The following MROH1 variants were observed in gnomAD, a reference collection of about 807,000 sequenced individuals.
The protein encoded by MROH1 is maestro heat like repeat family member 1, also known as maestro heat-like repeat-containing protein family member 1.
Under a neutral mutation model 116.5 loss-of-function variants are expected in MROH1, and 117 were observed. The observed-to-expected ratio is 1.00, with a 90% CI of 0.86 to 1.17. The LOEUF is 1.17. Ranked by LOEUF, MROH1 falls within the 50% of genes most tolerant of loss-of-function variation. The pLI is 0.00. For synonymous variants in MROH1, 921 were observed against 583.9 expected (o/e 1.58, Z -8.32); for missense variants, 1,873 against 1,338.5 (o/e 1.40, Z -6.23).
intron 29 of MROH1, among the ~76,000 whole-genome samples, chr8:144,246,492 T>C (rs1841947877): frequency 6.6e-6 from 1 of 152,192 alleles, no homozygotes; most frequent in Non-Finnish European, 1.5e-5. Flanking sequence ...CCTCATACTT[T>C]CATGGCCTGT....
intron 14 of MROH1, among the ~76,000 whole-genome samples, chr8:144,226,849 G>A (rs1249925167): frequency 1.3e-5 from 2 of 151,982 alleles, no homozygotes; most frequent in Non-Finnish European, 2.9e-5. Flanking sequence ...GTTTTTCCCT[G>A]TAAATTTTAG....
chr8:144,235,382 C>T (rs1438720845), intron 14 of MROH1, among the ~76,000 whole-genome samples: 6 of 152,126 alleles, frequency 3.9e-5, no homozygotes, highest in African/African-American at 7.2e-5. Context: ...CCAGCTAGAA[C>T]GTCCAATACT....
intron 10 of MROH1, among the ~76,000 whole-genome samples, chr8:144,195,370 T>A (rs1395674597): frequency 6.7e-6 from 1 of 148,232 alleles, no homozygotes; most frequent in African/African-American, 2.5e-5. Context: ...GGCATGATAG[T>A]GGGTGCCTGT....
At chr8:144,231,297 A>C (rs868918836) in intron 14 of MROH1, among the ~76,000 whole-genome samples, 72 of 152,034 alleles carry the variant, frequency 4.7e-4, no homozygotes, top group Admixed American at 7.9e-4. Context: ...CATTGTCATC[A>C]TGGCCCGTTC....
chr8:144,179,359 T>G, intron 4 of MROH1, 96 bp from the exon 5 acceptor site: 1 of 1,526,564 alleles, frequency 6.6e-7, no homozygotes. Context: ...GGCAGAGAGA[T>G]TTGTGCGGTT....
rs908595144 is a variant in MROH1, at chr8:144,223,001, CAT to C, written c.1216-106_1216-105del. 4.5e-5 allele frequency: 67 copies of C among 1,501,508 alleles called. No individual in the cohort carries two copies. In the African/African-American group the frequency reaches 5.5e-4, roughly 12 times the overall value. The allele number at this position is 1,501,508 out of a possible 1,614,324, so 93.0% of individuals were successfully genotyped here. On this transcript the variant is annotated intron_variant, in intron 13 of 43. Transcript: ENST00000326134. Reference sequence around the variant, plus strand: ...GTCAGTGTAACTGCAGTTGTGGGCACATGTGTGGATGTGGGTGGGAGGAAGAC... The same window carrying C: ...GTCAGTGTAACTGCAGTTGTGGGCACGTGTGGATGTGGGTGGGAGGAAGAC...
chr8:144,160,585 C>A lies in MROH1; in HGVS notation c.-176-385C>A, dbSNP rs562734768. Among the ~76,000 whole-genome samples the A allele has an allele frequency of 7.3e-5, 11 of 151,460 alleles. No individual in the cohort carries two copies. In the South Asian group the frequency reaches 2.1e-3, roughly 29 times the overall value. On this transcript the variant is annotated intron_variant, in intron 1 of 43. Transcript: ENST00000326134. Reference sequence around the variant, plus strand: ...AGGGTCCCACCGGCTAGAACCCAGGCACCAGACAAATTTATTACCATAAAG... The same window carrying A: ...AGGGTCCCACCGGCTAGAACCCAGGAACCAGACAAATTTATTACCATAAAG...
chr8:144,205,148 C>T (rs963564955), intron 12 of MROH1, among the ~76,000 whole-genome samples: 2 of 152,180 alleles, frequency 1.3e-5, no homozygotes, highest in Non-Finnish European at 2.9e-5. Context: ...CCTTGGCCTC[C>T]CAAAGTACTG....
chr8:144,254,185 A>G (rs1274030557), intron 33 of MROH1, among the ~76,000 whole-genome samples: 1 of 152,178 alleles, frequency 6.6e-6, no homozygotes, highest in Non-Finnish European at 1.5e-5. Flanking sequence ...TTCACTGGGT[A>G]AGTTCTTAAT....
rs1588089895 is a variant in MROH1, at chr8:144,197,479, A to G, written c.949-1643A>G. Among the ~76,000 whole-genome samples, 13 of 116,922 alleles carry G rather than the reference A, an allele frequency of 1.1e-4. 1 individual carries two copies. The South Asian group carries it at 3.7e-3, about 33-fold the overall frequency. The allele number at this position is 116,922 out of a possible 152,430, so 76.7% of individuals were successfully genotyped here. On this transcript the variant is annotated intron_variant, in intron 10 of 43. Transcript: ENST00000326134. ...GAGACGGAATCTTGCTCTGTCACCC[A>G]GGCTGGAGTGCAGTGGCGCGATCTT...
rs192655079 is a variant in MROH1 at position 144,197,225 on chromosome 8, G to A, written c.949-1897G>A. On this transcript the variant is annotated intron_variant, in intron 10 of 43. Transcript: ENST00000326134. The stretch of plus-strand genomic sequence containing the variant: ...CCCATTCATGCGGTCTGCCTGGGCC[G>A]TGCCATCTGAAGGCTCTACTGGGGT... Among the ~76,000 whole-genome samples the A allele has an allele frequency of 2.2e-4, 33 of 152,150 alleles. No homozygotes were observed. The East Asian group carries it at 5.6e-3, about 26-fold the overall frequency.
Position 144,192,302 on chromosome 8 carries a change from G to A in MROH1, c.856-7G>A, listed in dbSNP as rs759721802. 11 of 1,585,316 alleles carry A rather than the reference G, an allele frequency of 6.9e-6. No individual in the cohort carries two copies. Among genetic ancestry groups the A allele is most frequent in the East Asian group, 2.3e-5 (1 of 43,776 alleles). On this transcript the variant is annotated splice_region_variant and splice_polypyrimidine_tract_variant and intron_variant, in intron 9 of 43. Coordinates refer to ENST00000326134, the MANE Select transcript of MROH1 (RefSeq NM_032450.3). Reference sequence around the variant, plus strand: ...GACTGACGGCCTCTTCTCCCTACCCGGAGCAGAGCCTGGGCCAGATCCTCG... The same window carrying A: ...GACTGACGGCCTCTTCTCCCTACCCAGAGCAGAGCCTGGGCCAGATCCTCG...
intron 14 of MROH1, among the ~76,000 whole-genome samples, chr8:144,236,981 C>G (rs900192463): frequency 7.4e-6 from 1 of 134,290 alleles, no homozygotes; most frequent in African/African-American, 2.8e-5. Flanking sequence ...TCTCGACTCA[C>G]TGCAAGCTCC....
intron 12 of MROH1, among the ~76,000 whole-genome samples, chr8:144,205,495 A>G (rs913206133): frequency 2.3e-5 from 3 of 131,932 alleles, no homozygotes; most frequent in Non-Finnish European, 3.2e-5. Flanking sequence ...TTATATATAT[A>G]TAAATCCTTT....
intron 14 of MROH1, among the ~76,000 whole-genome samples, chr8:144,232,099 A>G (rs1041247231): frequency 6.6e-6 from 1 of 152,242 alleles, no homozygotes; most frequent in Admixed American, 6.5e-5. Flanking sequence ...TCCATAATCT[A>G]TAGTAGGGTA....
intron 18 of MROH1, 112 bp downstream of exon 18, chr8:144,239,867 G>A: frequency 1.5e-6 from 1 of 685,462 alleles, no homozygotes; most frequent in Non-Finnish European, 2.7e-6. Context: ...GGTGGCCAAT[G>A]GGGACTAGGG....
At chr8:144,240,343 C>T (rs1403859987) in intron 19 of MROH1, among the ~76,000 whole-genome samples, 190 bp downstream of exon 19, 5 of 152,158 alleles carry the variant, frequency 3.3e-5, no homozygotes, top group Admixed American at 2.6e-4. Context: ...GACAAGGCAC[C>T]GGCCCTCTAG....
Position 144,255,681 on chromosome 8 carries a change from C to T in MROH1, c.3767C>T (p.Ala1256Val). ...QERRGASPAL[A>V]TRNLEPCSSA... ...AGGAGGGGTGCCAGTCCAGCCCTAG[C>T]CACCAGGAACCTGGAACCCTGCAGG... The change falls in exon 35 of 44, where the codon GCC (alanine) becomes GTC (valine). Residue 1256 changes from alanine to valine, a missense_variant. Physicochemically the swap from Ala to Val is moderately conservative, Grantham distance 64. Transcript: ENST00000326134. 1.3e-6 allele frequency: 1 copy of T among 762,606 alleles called. No individual in the cohort carries two copies. The highest frequency in any genetic ancestry group is 2.4e-6 in the Non-Finnish European group (1 of 410,100). 47.2% of individuals were successfully genotyped at this position (762,606 alleles called of 1,614,324 possible).
intron 3 of MROH1, among the ~76,000 whole-genome samples, chr8:144,167,207 A>ATGTGGGGTGGAGTGGCCGGT (rs1564376233): frequency 4.6e-5 from 3 of 65,014 alleles, no homozygotes; most frequent in East Asian, 9.1e-4. Context: ...GAGTGGCCAG[A>ATGTGGGGTGGAGTGGCCGGT]TGTGGGGTGG....
Sources: allele counts gnomAD v4.1 joint callset (sites outside exome capture counted in the v4.1 genomes callset), GRCh38; gene constraint gnomAD v4.1.1; transcripts MANE v1.5; gene names NCBI Gene and HGNC (gene_info 2026-07-23, HGNC 2026-07-21).